The following SPTAN1 variants were observed in gnomAD, a reference collection of about 807,000 sequenced individuals.
SPTAN1 encodes the protein spectrin alpha chain, non-erythrocytic 1.
SPTAN1 carries 61 observed loss-of-function variants against 331.3 expected under a neutral mutation model. That is an observed-to-expected ratio of 0.18 (90% confidence interval 0.15 to 0.23). SPTAN1 has a LOEUF of 0.23. Among genes scored for constraint, SPTAN1 ranks in the 10% least tolerant of loss-of-function variants. SPTAN1 has a pLI of 1.00. For missense variants in SPTAN1, 2,043 were observed against 3,147.9 expected, an observed-to-expected ratio of 0.65 and a Z score of 8.40; for synonymous variants, 1,153 against 1,173.9, an observed-to-expected ratio of 0.98 and a Z score of 0.36.
intron 51 of SPTAN1, chr9:128,628,199 G>A (rs1360816834): frequency 1.5e-6 from 1 of 653,414 alleles, no homozygotes; most frequent in Non-Finnish European, 2.8e-6. Context: ...GGCTCACTTT[G>A]GGTAGGGAAG....
At chr9:128,596,301 G>A (rs760282548) in intron 24 of SPTAN1, 4 of 149,162 alleles carry the variant, frequency 2.7e-5, no homozygotes, top group Non-Finnish European at 5.9e-5. Flanking sequence ...TTTCGAGACA[G>A]AGTCTCTCTC....
intron 24 of SPTAN1, 123 bp downstream of exon 24, chr9:128,594,496 C>T: frequency 9.0e-6 from 8 of 890,000 alleles, no homozygotes; most frequent in Admixed American, 5.5e-5. Context: ...AGTGGTATGA[C>T]TTCGGCTCAC....
At chr9:128,567,951 A>G (rs1292145870) in intron 2 of SPTAN1, among the ~76,000 whole-genome samples, 8 of 151,606 alleles carry the variant, frequency 5.3e-5, no homozygotes, top group African/African-American at 2.4e-5. Flanking sequence ...TAGTAGAAAC[A>G]GGATTTCATC....
intron 21 of SPTAN1, among the ~76,000 whole-genome samples, chr9:128,589,424 G>T (rs571473649): frequency 5.3e-5 from 8 of 151,626 alleles, no homozygotes; most frequent in Admixed American, 3.9e-4. Flanking sequence ...GAGTAGCTGG[G>T]ACTACAGGCG....
At chr9:128,558,174 T>C (rs148615817) in intron 1 of SPTAN1, among the ~76,000 whole-genome samples, 38 of 152,346 alleles carry the variant, frequency 2.5e-4, no homozygotes, top group African/African-American at 8.9e-4. Context: ...GGTAGTATTG[T>C]AAGAATGCTG....
At chr9:128,626,894 A>T in intron 49 of SPTAN1, 1 of 657,004 alleles carries the variant, frequency 1.5e-6, no homozygotes. Context: ...GGCTCCCTGT[A>T]GCCTCAACCT....
intron 49 of SPTAN1, 141 bp downstream of exon 49, chr9:128,626,828 T>A: frequency 9.5e-7 from 1 of 1,049,146 alleles, no homozygotes; most frequent in African/African-American, 1.6e-5. Flanking sequence ...CATTTCTTTT[T>A]GTGTTCTTGA....
intron 48 of SPTAN1, 47 bp downstream of exon 48, chr9:128,626,025 A>G: frequency 6.2e-7 from 1 of 1,606,040 alleles, no homozygotes; most frequent in Non-Finnish European, 8.5e-7. Context: ...AGCTCAAGGA[A>G]GGACGCCCAC....
intron 28 of SPTAN1, 111 bp from the exon 29 acceptor site, chr9:128,604,215 A>AT (rs1855531885): frequency 5.3e-6 from 6 of 1,124,016 alleles, no homozygotes; most frequent in Middle Eastern, 2.1e-4. Context: ...TGGAAACAGG[A>AT]AATTATATAT....
chr9:128,603,140 T>G (rs1322253442), intron 27 of SPTAN1, among the ~76,000 whole-genome samples: 1 of 151,870 alleles, frequency 6.6e-6, no homozygotes, highest in Non-Finnish European at 1.5e-5. Context: ...TTATTAGAGC[T>G]CCTGGCTGTT....
intron 45 of SPTAN1, among the ~76,000 whole-genome samples, chr9:128,623,856 T>C (rs112092840): frequency 0.23 from 34,485 of 151,038 alleles, 5,858 homozygotes; most frequent in East Asian, 0.48. Context: ...GAAGCCGAGG[T>C]GGGCAAATCA....
intron 24 of SPTAN1, among the ~76,000 whole-genome samples, chr9:128,595,110 TCA>T (rs35712602): frequency 0.16 from 24,669 of 151,494 alleles, 2,577 homozygotes; most frequent in East Asian, 0.44. Flanking sequence ...GTGCCCGGCC[TCA>T]GTTTTTTTTT....
At chr9:128,589,755 T>G (rs1307642867) in intron 21 of SPTAN1, among the ~76,000 whole-genome samples, 1 of 151,432 alleles carries the variant, frequency 6.6e-6, no homozygotes, top group African/African-American at 2.4e-5. Flanking sequence ...TTTTGTATTT[T>G]TAGTAGAGAC....
At chr9:128,593,972 C>T (rs1242433471) in intron 23 of SPTAN1, 2 of 623,174 alleles carry the variant, frequency 3.2e-6, no homozygotes, top group East Asian at 3.0e-5. Context: ...GTGAACAGTA[C>T]AGTGTGCGCA....
At chr9:128,578,680 T>C (rs1851585754) in intron 9 of SPTAN1, among the ~76,000 whole-genome samples, 1 of 151,924 alleles carries the variant, frequency 6.6e-6, no homozygotes, top group Non-Finnish European at 1.5e-5. Context: ...AATGCAACAG[T>C]TAGCTGGTCA....
At chr9:128,607,565 GTAATA>G in intron 31 of SPTAN1, 34 bp from the exon 32 acceptor site, 1 of 1,519,982 alleles carries the variant, frequency 6.6e-7, no homozygotes, top group Non-Finnish European at 9.1e-7. Context: ...TCCTTACCAG[GTAATA>G]TAATAGCTAT....
chr9:128,605,162 C>T lies in SPTAN1; in HGVS notation c.3848C>T (p.Ala1283Val), dbSNP rs1564273204. The T allele has an allele frequency of 3.1e-6, 5 of 1,613,928 alleles. No individual in the cohort carries two copies. The highest frequency in any genetic ancestry group is 1.1e-5 in the South Asian group (1 of 91,062). Residue 1283 changes from alanine (A) to valine (V), a missense_variant, in exon 30 of 57, where the codon GCG becomes GTG. Around this residue, in one of 12 missense-constraint regions of SPTAN1, gnomAD observed 42 missense variants for 106.0 expected, o/e 0.40. Transcript: ENST00000372739. Reference protein sequence around the residue: ...RKHEGFERDLAALGDKVNSLG... With the variant: ...RKHEGFERDLVALGDKVNSLG... ...CATGAGGGCTTCGAGAGGGACCTTG[C>T]GGCTCTCGGTGACAAGGTGAGAGGA...
intron 24 of SPTAN1, among the ~76,000 whole-genome samples, chr9:128,597,108 C>T (rs1828520879): frequency 6.6e-6 from 1 of 152,032 alleles, no homozygotes; most frequent in African/African-American, 2.4e-5. Flanking sequence ...TGCAGTGAGC[C>T]ATGATCACGC....
chr9:128,555,292 T>C (rs931767680), intron 1 of SPTAN1: 4 of 1,154,448 alleles, frequency 3.5e-6, no homozygotes, highest in Non-Finnish European at 4.6e-6. Flanking sequence ...TTCTTCATGA[T>C]TTTGTTCCGT....
Sources: gnomAD v4.1 joint callset for allele counts (sites outside exome capture counted in the v4.1 genomes callset) on GRCh38, gnomAD v4.1.1 for gene constraint, gnomAD v4.1.1 regional missense constraint, MANE v1.5 for transcripts, NCBI Gene and HGNC (gene_info 2026-07-23, HGNC 2026-07-21) for gene names.